NEMF: variants seen among roughly 807,000 people sequenced by gnomAD.
The protein encoded by NEMF is ribosome quality control complex subunit NEMF.
A neutral mutation model predicts 162.2 loss-of-function variants in NEMF; 89 were observed. That is an observed-to-expected ratio of 0.55 (90% CI 0.46 to 0.65). The LOEUF is 0.65. Ranked by LOEUF, NEMF falls within the 30% of genes least tolerant of loss-of-function variation. The pLI, the probability that NEMF is intolerant of heterozygous loss-of-function variation, is 0.00. For synonymous variants in NEMF, 421 were observed against 404.5 expected (o/e 1.04, Z -0.49); for missense variants, 1,133 against 1,261.9 (o/e 0.90, Z 1.55).
intron 26 of NEMF, among the ~76,000 whole-genome samples, chr14:49,793,155 G>A (rs1225422436): frequency 1.3e-5 from 2 of 151,914 alleles, no homozygotes; most frequent in African/African-American, 2.4e-5. Context: ...AGATATACAC[G>A]ATTACTACTT....
chr14:49,816,350 T>C (rs942046564), intron 16 of NEMF, among the ~76,000 whole-genome samples: 4 of 152,236 alleles, frequency 2.6e-5, no homozygotes, highest in African/African-American at 9.6e-5. Flanking sequence ...GTGATCTTTG[T>C]TGGACCCTTA....
At chr14:49,786,563 A>G (rs1890189040) in intron 29 of NEMF, among the ~76,000 whole-genome samples, 155 bp downstream of exon 29, 1 of 152,198 alleles carries the variant, frequency 6.6e-6, no homozygotes, top group African/African-American at 2.4e-5. Flanking sequence ...GTACAGTTAC[A>G]TATAGCAGAG....
chr14:49,848,575 G>A (rs1269426269), intron 3 of NEMF, among the ~76,000 whole-genome samples: 3 of 151,986 alleles, frequency 2.0e-5, no homozygotes, highest in Admixed American at 2.0e-4. Flanking sequence ...GGCAGCTCAC[G>A]CCTGTAATCC....
At chr14:49,802,818 T>G in intron 20 of NEMF, 91 bp from the exon 21 acceptor site, 1 of 840,324 alleles carries the variant, frequency 1.2e-6, no homozygotes, top group African/African-American at 1.7e-5. Context: ...CAGATGACAC[T>G]AATGGTCATA....
rs781279129 is a variant in NEMF at position 49,834,465 on chromosome 14, A to AT, written c.575-17dup. 2.7e-6 allele frequency: 4 copies of AT among 1,470,292 alleles called. No individual in the cohort carries two copies. The Admixed American group carries it at 7.6e-5, about 28-fold the overall frequency. 91.1% of individuals were successfully genotyped at this position (1,470,292 alleles called of 1,614,324 possible). ...GGTCCATAGGCTATAAATGCAGAGG[A>AT]TATTACTTTTAGTATTTTCCTATAA... On this transcript the variant is annotated splice_polypyrimidine_tract_variant and intron_variant, in intron 6 of 32. Transcript: ENST00000298310.
At chr14:49,838,362 A>G (rs1034057968) in intron 5 of NEMF, among the ~76,000 whole-genome samples, 156 bp from the exon 6 acceptor site, 2 of 152,202 alleles carry the variant, frequency 1.3e-5, no homozygotes, top group Non-Finnish European at 2.9e-5. Flanking sequence ...AAAATGGATC[A>G]TAAAAGATAT....
intron 26 of NEMF, among the ~76,000 whole-genome samples, chr14:49,791,512 G>T (rs950533107): frequency 1.3e-5 from 2 of 152,010 alleles, no homozygotes; most frequent in Non-Finnish European, 1.5e-5. Flanking sequence ...GCCGAGGCAG[G>T]CGGATCACAA....
chr14:49,842,377 A>G (rs944324618), intron 4 of NEMF, among the ~76,000 whole-genome samples: 5 of 152,254 alleles, frequency 3.3e-5, no homozygotes, highest in Admixed American at 2.6e-4. Flanking sequence ...TTAGAATTAA[A>G]GACTTTTTAA....
chr14:49,797,200 C>G (rs1407055856), intron 25 of NEMF, among the ~76,000 whole-genome samples: 4 of 152,044 alleles, frequency 2.6e-5, no homozygotes, highest in Non-Finnish European at 5.9e-5. Flanking sequence ...AATGAAAAGG[C>G]TTTATTGTCC....
chr14:49,842,929 C>T (rs1373958220), intron 4 of NEMF, among the ~76,000 whole-genome samples: 1 of 151,808 alleles, frequency 6.6e-6, no homozygotes, highest in East Asian at 1.9e-4. Flanking sequence ...TCGCTTGAAC[C>T]CGGGAGGCGG....
chr14:49,812,073 C>A (rs1341717007), intron 18 of NEMF, among the ~76,000 whole-genome samples: 1 of 151,954 alleles, frequency 6.6e-6, no homozygotes, highest in Non-Finnish European at 1.5e-5. Context: ...TAATGTTTTT[C>A]TTTATTATTA....
chr14:49,811,897 CTTGTG>C (rs1242461591), intron 18 of NEMF, among the ~76,000 whole-genome samples: 5 of 151,984 alleles, frequency 3.3e-5, no homozygotes, highest in African/African-American at 1.2e-4. Flanking sequence ...CTGTAGTTTT[CTTGTG>C]TTATCTTTGG....
chr14:49,798,937 G>C (rs1218653544), intron 25 of NEMF, among the ~76,000 whole-genome samples: 1 of 151,580 alleles, frequency 6.6e-6, no homozygotes, highest in East Asian at 1.9e-4. Context: ...GTGAAGGCCG[G>C]GCACAATGGC....
chr14:49,800,353 T>G (rs1211503016), intron 23 of NEMF, 67 bp downstream of exon 23: 35 of 1,162,396 alleles, frequency 3.0e-5, no homozygotes, highest in Non-Finnish European at 4.0e-5. Flanking sequence ...GTATTATCTT[T>G]GTAAGGATTA....
chr14:49,831,461 A>C, intron 10 of NEMF, 100 bp from the exon 11 acceptor site: 1 of 754,312 alleles, frequency 1.3e-6, no homozygotes, highest in Non-Finnish European at 2.2e-6. Context: ...TTTTTGAGAC[A>C]GAGTCTCACT....
Position 49,783,096 on chromosome 14 carries a change from C to CT in NEMF, c.*1539dup. 1 of 690,494 alleles carries CT rather than the reference C, an allele frequency of 1.4e-6. No homozygotes were observed. The highest frequency in any genetic ancestry group is 2.2e-6 in the Non-Finnish European group (1 of 447,378). The allele number at this position is 690,494 out of a possible 1,614,324, so 42.8% of individuals were successfully genotyped here. Reference sequence around the variant, plus strand: ...TGTGCATGTGAATGGCCTAGAGAACCTATTTTTGTGTCTAAAGTTTACAAT... The same window carrying CT: ...TGTGCATGTGAATGGCCTAGAGAACCTTATTTTTGTGTCTAAAGTTTACAAT... On this transcript the variant is annotated 3_prime_UTR_variant, in exon 33 of 33. Transcript: ENST00000298310.
chr14:49,843,982 C>G (rs371012940), intron 4 of NEMF, among the ~76,000 whole-genome samples: 1 of 151,930 alleles, frequency 6.6e-6, no homozygotes, highest in East Asian at 1.9e-4. Context: ...GCCAGTAATA[C>G]CAGCTACTCA....
chr14:49,813,968 AATAG>A lies in NEMF; in HGVS notation c.1744+16_1744+19del. The A allele has an allele frequency of 1.5e-6, 2 of 1,349,676 alleles. No individual in the cohort carries two copies. Among genetic ancestry groups the A allele is most frequent in the Non-Finnish European group, 2.1e-6 (2 of 943,358 alleles). The allele number at this position is 1,349,676 out of a possible 1,614,324, so 83.6% of individuals were successfully genotyped here. A position where few individuals can be genotyped will look rare whatever the true frequency, so the allele number is the denominator to read the frequency against. ...TTTAAAGAAAGGAACAGGAATTCTG[AATAG>A]AAAGAAATATATTACCTGTTGGATT... is the stretch of plus-strand genomic sequence containing the variant. On this transcript the variant is annotated intron_variant, in intron 18 of 32. Transcript: ENST00000298310.
chr14:49,820,391 C>G, intron 16 of NEMF: 1 of 456,530 alleles, frequency 2.2e-6, no homozygotes, highest in Non-Finnish European at 4.4e-6. Flanking sequence ...CCTGTCAGCA[C>G]TTACGCGTTG....
Sources: allele counts gnomAD v4.1 joint callset (sites outside exome capture counted in the v4.1 genomes callset), GRCh38; gene constraint gnomAD v4.1.1; transcripts MANE v1.5; gene names NCBI Gene and HGNC (gene_info 2026-07-23, HGNC 2026-07-21).